The following MAP3K2 variants were observed in gnomAD, a reference collection of about 807,000 sequenced individuals.
MAP3K2 encodes mitogen-activated protein kinase kinase kinase 2.
MAP3K2 carries 24 observed loss-of-function variants against 80.3 expected under a neutral mutation model. The observed-to-expected ratio is 0.30, with a 90% CI of 0.22 to 0.42. The LOEUF is 0.42. Ranked by LOEUF, MAP3K2 falls within the 10% of genes least tolerant of loss-of-function variation. The pLI is 1.00. For synonymous variants in MAP3K2, 244 were observed against 253.7 expected (o/e 0.96, Z 0.36); for missense variants, 608 against 750.1 (o/e 0.81, Z 2.21).
chr2:127,371,442 T>C (rs1162779878), intron 1 of MAP3K2, among the ~76,000 whole-genome samples: 1 of 152,202 alleles, frequency 6.6e-6, no homozygotes, highest in Non-Finnish European at 1.5e-5. Context: ...CTTTTATAAA[T>C]GTTCGACAAG....
chr2:127,318,586 T>C (rs147878600), intron 12 of MAP3K2, among the ~76,000 whole-genome samples: 72 of 152,338 alleles, frequency 4.7e-4, no homozygotes, highest in African/African-American at 1.7e-3. Context: ...GACAGCATCT[T>C]TCTTTCACTC....
intron 1 of MAP3K2, among the ~76,000 whole-genome samples, chr2:127,375,920 T>G (rs1014333993): frequency 1.3e-5 from 2 of 151,034 alleles, no homozygotes; most frequent in African/African-American, 2.4e-5. Flanking sequence ...AAAAAAAAAA[T>G]GTTGATTATA....
intron 2 of MAP3K2, among the ~76,000 whole-genome samples, chr2:127,341,110 C>T (rs1344113081): frequency 2.0e-5 from 3 of 151,924 alleles, no homozygotes; most frequent in Non-Finnish European, 4.4e-5. Flanking sequence ...CTGCCTCAGC[C>T]TCCCGAGTAG....
At chr2:127,328,329 G>A (rs557307260) in intron 7 of MAP3K2, among the ~76,000 whole-genome samples, 82 of 152,288 alleles carry the variant, frequency 5.4e-4, no homozygotes, top group African/African-American at 1.4e-3. Context: ...GACAAGTACC[G>A]TAATGTGATA....
intron 1 of MAP3K2, among the ~76,000 whole-genome samples, chr2:127,350,541 G>C (rs1280885801): frequency 6.6e-6 from 1 of 150,526 alleles, no homozygotes; most frequent in Admixed American, 6.6e-5. Context: ...GGAAGAGAAA[G>C]CTTTTTCTTA....
In MAP3K2 at chr2:127,310,394, C is replaced by T. The variant is rs2104805908; in HGVS notation, c.1457-1632G>A. Among the ~76,000 whole-genome samples the T allele has an allele frequency of 6.6e-6, 1 of 152,194 alleles. No homozygotes were observed. Among genetic ancestry groups the T allele is most frequent in the Admixed American group, 6.5e-5 (1 of 15,284 alleles). ...CCAGGTGCAGTGGCACACACCTGTA[C>T]TCCTAGCACTTTGGGAGGCAAAGGT... On this transcript the variant is annotated intron_variant, in intron 15 of 16. Coordinates refer to ENST00000682094, the MANE Select transcript of MAP3K2 (RefSeq NM_001371910.2). The surrounding 1 kb of genome is among the most constrained non-coding windows in gnomAD (Gnocchi z 4.8).
At chr2:127,357,696 C>A (rs1686819585) in intron 1 of MAP3K2, among the ~76,000 whole-genome samples, 2 of 151,994 alleles carry the variant, frequency 1.3e-5, no homozygotes, top group Admixed American at 6.6e-5. Flanking sequence ...ATATACATGA[C>A]CAGTTAATTT....
At position 127,364,684 on chromosome 2, in the gene MAP3K2, C is replaced by G. The variant is rs924623984; in HGVS notation, c.-65-21490G>C. ...ATATTTTTACATGTGCTCTCTGCCACTAGACTACAATAACCTCAAATATAG... is the reference window on the plus strand; with the variant it reads ...ATATTTTTACATGTGCTCTCTGCCAGTAGACTACAATAACCTCAAATATAG... On this transcript the variant is annotated intron_variant, in intron 1 of 16. Coordinates refer to ENST00000682094, the MANE Select transcript of MAP3K2 (RefSeq NM_001371910.2). The surrounding 1 kb of genome is among the most constrained non-coding windows in gnomAD (Gnocchi z 4.1). 6.6e-6 allele frequency among the ~76,000 whole-genome samples: 1 copy of G among 152,192 alleles called. No homozygotes were observed. Among genetic ancestry groups the G allele is most frequent in the Non-Finnish European group, 1.5e-5 (1 of 68,040 alleles).
chr2:127,366,871 T>TTG lies in MAP3K2; in HGVS notation c.-66+20580_-66+20581insCA, dbSNP rs931316711. Among the ~76,000 whole-genome samples the TTG allele has an allele frequency of 6.2e-5, 8 of 129,096 alleles. No individual in the cohort carries two copies. In the East Asian group the frequency reaches 8.4e-4, roughly 14 times the overall value. The allele number at this position is 129,096 out of a possible 152,430, so 84.7% of individuals were successfully genotyped here. A position where few individuals can be genotyped will look rare whatever the true frequency, so the allele number is the denominator to read the frequency against. On this transcript the variant is annotated intron_variant, in intron 1 of 16. Transcript: ENST00000682094. ...AAGCTGTCCCACAGTCAAGGGTTTT[T>TTG]TTTTTTTTTTTTTTTTTTGAGACAG...
chr2:127,366,426 A>G (rs992379176), intron 1 of MAP3K2, among the ~76,000 whole-genome samples: 1 of 151,648 alleles, frequency 6.6e-6, no homozygotes, highest in South Asian at 2.1e-4. Context: ...CAAAAAGAAT[A>G]CTCAGAGGAT....
At chr2:127,378,780 T>C (rs1220849454) in intron 1 of MAP3K2, among the ~76,000 whole-genome samples, 1 of 152,074 alleles carries the variant, frequency 6.6e-6, no homozygotes, top group Non-Finnish European at 1.5e-5. Flanking sequence ...GGTTTTTCTG[T>C]TTTTGAGATG....
intron 1 of MAP3K2, among the ~76,000 whole-genome samples, chr2:127,384,213 G>GATATATATATATATATAT (rs35560058): frequency 6.9e-4 from 100 of 144,456 alleles, no homozygotes; most frequent in African/African-American, 1.8e-3. Flanking sequence ...ATTTTTAATT[G>GATATATATATATATATAT]ATATATATAT....
In MAP3K2 at chr2:127,339,738, A is replaced by G. The variant is rs1326191095; in HGVS notation, c.5-688T>C. ...TTAGACTCTTATAAATATACCAAAG[A>G]TTTCCTTCTGAGACTAAAACCATGT... is the stretch of plus-strand genomic sequence containing the variant. On this transcript the variant is annotated intron_variant, in intron 2 of 16. Coordinates refer to ENST00000682094, the MANE Select transcript of MAP3K2 (RefSeq NM_001371910.2). This position sits in a 1 kb window ranked among gnomAD's most constrained non-coding sequence, Gnocchi z 4.2. 6.6e-6 allele frequency among the ~76,000 whole-genome samples: 1 copy of G among 152,186 alleles called. No individual in the cohort carries two copies. The highest frequency in any genetic ancestry group is 6.5e-5 in the Admixed American group (1 of 15,282).
At chr2:127,378,561 A>T (rs1473471933) in intron 1 of MAP3K2, among the ~76,000 whole-genome samples, 1 of 152,218 alleles carries the variant, frequency 6.6e-6, no homozygotes, top group South Asian at 2.1e-4. Context: ...ATATTATATA[A>T]ATCAGTAAAA....
chr2:127,341,382 T>C (rs997566857), intron 2 of MAP3K2, among the ~76,000 whole-genome samples: 4 of 151,988 alleles, frequency 2.6e-5, no homozygotes, highest in Non-Finnish European at 4.4e-5. Flanking sequence ...TGAACAAAAC[T>C]TCCCATATTA....
chr2:127,323,780 C>T (rs577522298), intron 11 of MAP3K2, 122 bp downstream of exon 11: 27 of 480,264 alleles, frequency 5.6e-5, no homozygotes, highest in East Asian at 4.7e-4. Flanking sequence ...TTTGTTATAA[C>T]ACAATTCCTC....
rs937138888 is a variant in MAP3K2 at position 127,304,833 on chromosome 2, A to G, written c.*2746T>C. On this transcript the variant is annotated 3_prime_UTR_variant, in exon 17 of 17. Coordinates refer to ENST00000682094, the MANE Select transcript of MAP3K2 (RefSeq NM_001371910.2). ...GCTTTTTTGTTCTAGTAGTTTTTAT[A>G]TATATTAACTTTTATTGTGGTTTTT... 2 of 152,436 alleles carry G rather than the reference A, an allele frequency of 1.3e-5. No homozygotes were observed. Among genetic ancestry groups the G allele is most frequent in the African/African-American group, 4.8e-5 (2 of 41,410 alleles). 9.4% of individuals were successfully genotyped at this position (152,436 alleles called of 1,614,324 possible).
chr2:127,365,968 A>G (rs140376383), intron 1 of MAP3K2, among the ~76,000 whole-genome samples: 248 of 152,328 alleles, frequency 1.6e-3, no homozygotes, highest in African/African-American at 5.2e-3. Context: ...CTACTGACCA[A>G]GAAATCTCTG....
chr2:127,328,899 C>T (rs1283244967), intron 7 of MAP3K2, among the ~76,000 whole-genome samples: 1 of 152,170 alleles, frequency 6.6e-6, no homozygotes, highest in Non-Finnish European at 1.5e-5. Flanking sequence ...AAATCCGCCC[C>T]TCATACATGT....
Sources: gnomAD v4.1 joint callset for allele counts (sites outside exome capture counted in the v4.1 genomes callset) on GRCh38, gnomAD v4.1.1 for gene constraint, Gnocchi (gnomAD v3.1) non-coding constraint, MANE v1.5 for transcripts, NCBI Gene and HGNC (gene_info 2026-07-23, HGNC 2026-07-21) for gene names.